Variants in RSL1D1 observed in about 807,000 individuals in gnomAD.
The protein encoded by RSL1D1 is ribosomal L1 domain containing 1, also known as ribosomal L1 domain-containing protein 1.
RSL1D1 carries 34 observed loss-of-function variants against 44.6 expected under a neutral mutation model. The observed-to-expected ratio is 0.76, with a 90% CI of 0.58 to 1.02. RSL1D1 has a LOEUF of 1.02. RSL1D1 is among the 50% of genes least tolerant of loss of function. The pLI is 0.00. For missense variants in RSL1D1, 767 were observed against 568.1 expected (o/e 1.35, Z -3.56); for synonymous variants, 271 against 207.4 (o/e 1.31, Z -2.63).
intron 2 of RSL1D1, among the ~76,000 whole-genome samples, chr16:11,848,536 T>G (rs2053814680): frequency 6.6e-6 from 1 of 152,188 alleles, no homozygotes; most frequent in African/African-American, 2.4e-5. Flanking sequence ...CTTCTTTTCC[T>G]TTTTTTGAGA....
Position 11,851,438 on chromosome 16 carries a change from C to G in RSL1D1, c.75G>C (p.Pro25=). The G allele has an allele frequency of 6.2e-7, 1 of 1,614,116 alleles. No homozygotes were observed. Among genetic ancestry groups the G allele is most frequent in the Non-Finnish European group, 8.5e-7 (1 of 1,179,970 alleles). Residue 25 remains proline (P), a synonymous_variant, in exon 1 of 9, where the codon CCG becomes CCC. Transcript: ENST00000571133. ...TGTSTSTPAA[P]TARKQLDKEQ... is the part of the protein sequence containing the mutation. ...CTTTATCCAGCTGCTTCCGTGCTGT[C>G]GGGGCCGCTGGAGTCGAGGTGGAGG...
In RSL1D1 at chr16:11,847,756, G is replaced by A. The variant is rs11554650; in HGVS notation, c.296C>T (p.Thr99Met). Residue 99 changes from threonine to methionine, a missense_variant, in exon 3 of 9, where the codon ACG becomes ATG. Coordinates refer to ENST00000571133, the MANE Select transcript of RSL1D1 (RefSeq NM_015659.3). ...AGGAGTTGAATTGGGTTCATCCTTC[G>A]TAAATAAACAGATATCTTCTGAATC... The part of the protein sequence containing the change: ...RSDSEDICLF[T>M]KDEPNSTPEK... 19 of 1,612,882 alleles carry A rather than the reference G, an allele frequency of 1.2e-5. No individual in the cohort carries two copies. Among genetic ancestry groups the A allele is most frequent in the Admixed American group, 1.7e-5 (1 of 59,916 alleles).
intron 2 of RSL1D1, among the ~76,000 whole-genome samples, chr16:11,850,068 C>G (rs1197126265): frequency 6.6e-6 from 1 of 152,134 alleles, no homozygotes; most frequent in Non-Finnish European, 1.5e-5. Flanking sequence ...CTCAGGTGAT[C>G]CGTCCACCTC....
At chr16:11,847,479 G>T in intron 3 of RSL1D1, 189 bp downstream of exon 3, 1 of 542,088 alleles carries the variant, frequency 1.8e-6, no homozygotes, top group Non-Finnish European at 3.2e-6. Flanking sequence ...AAGTACAGAG[G>T]AATGACACGA....
intron 7 of RSL1D1, 88 bp from the exon 8 acceptor site, chr16:11,840,073 A>T: frequency 4.6e-6 from 7 of 1,531,734 alleles, no homozygotes; most frequent in South Asian, 3.9e-5. Flanking sequence ...AGTTTTGATT[A>T]TCCATAAGCC....
At position 11,837,203 on chromosome 16, in the gene RSL1D1, T is replaced by C. The variant is rs1210059595; in HGVS notation, c.*584A>G. 4 of 152,744 alleles carry C rather than the reference T, an allele frequency of 2.6e-5. No homozygotes were observed. In the East Asian group the frequency reaches 7.7e-4, roughly 29 times the overall value. 9.5% of individuals were successfully genotyped at this position (152,744 alleles called of 1,614,324 possible). A position where few individuals can be genotyped will look rare whatever the true frequency, so the allele number is the denominator to read the frequency against. On this transcript the variant is annotated 3_prime_UTR_variant, in exon 9 of 9. Transcript: ENST00000571133. ...GTTGCCCAGGCTAGTCTCAAACTCC[T>C]GGCCTCAAGCAATCCTCTCACCTTG... is the stretch of plus-strand genomic sequence containing the variant.
At position 11,837,628 on chromosome 16, in the gene RSL1D1, G is replaced by C. The variant is rs2053731237; in HGVS notation, c.*159C>G. ...GCCTCCCAAAGTGCTGGGATTACAG[G>C]CGTGAGCCACCGCCCCTGGACTACT... On this transcript the variant is annotated 3_prime_UTR_variant, in exon 9 of 9. Transcript: ENST00000571133. 6.1e-6 allele frequency: 4 copies of C among 653,278 alleles called. No homozygotes were observed. Among genetic ancestry groups the C allele is most frequent in the Non-Finnish European group, 1.0e-5 (4 of 381,408 alleles). The allele number at this position is 653,278 out of a possible 1,614,324, so 40.5% of individuals were successfully genotyped here. A position where few individuals can be genotyped will look rare whatever the true frequency, so the allele number is the denominator to read the frequency against.
At position 11,851,061 on chromosome 16, in the gene RSL1D1, C is replaced by T. The variant is rs927498121; in HGVS notation, c.105+347G>A. On this transcript the variant is annotated intron_variant, in intron 1 of 8. Coordinates refer to ENST00000571133, the MANE Select transcript of RSL1D1 (RefSeq NM_015659.3). Reference sequence around the variant, plus strand: ...CATTACCTCTCCCGATCCTGGATAACGGGGAGCCGAAGGGCCCACTTTAAA... The same window carrying T: ...CATTACCTCTCCCGATCCTGGATAATGGGGAGCCGAAGGGCCCACTTTAAA... The T allele has an allele frequency of 1.1e-5, 4 of 373,358 alleles. No individual in the cohort carries two copies. The Admixed American group carries it at 1.2e-4, about 11-fold the overall frequency. The allele number at this position is 373,358 out of a possible 1,614,324, so 23.1% of individuals were successfully genotyped here. A position where few individuals can be genotyped will look rare whatever the true frequency, so the allele number is the denominator to read the frequency against.
chr16:11,850,753 C>A (rs2053831595), intron 1 of RSL1D1, among the ~76,000 whole-genome samples: 1 of 152,240 alleles, frequency 6.6e-6, no homozygotes, highest in African/African-American at 2.4e-5. Context: ...AGGAAAAACG[C>A]AAAGCAAAAT....
chr16:11,851,107 A>G lies in RSL1D1; in HGVS notation c.105+301T>C, dbSNP rs2053834167. 9 of 451,712 alleles carry G rather than the reference A, an allele frequency of 2.0e-5. No individual in the cohort carries two copies. The Admixed American group carries it at 2.8e-4, about 14-fold the overall frequency. The allele number at this position is 451,712 out of a possible 1,614,324, so 28.0% of individuals were successfully genotyped here. On this transcript the variant is annotated intron_variant, in intron 1 of 8. Transcript: ENST00000571133. ...TTAAATAACGGGTAACAGACCTGCA[A>G]AACTAAGCGATTCGGTCAAGCGCTA...
intron 5 of RSL1D1, among the ~76,000 whole-genome samples, chr16:11,842,502 A>G (rs1596439948): frequency 6.6e-6 from 1 of 150,942 alleles, no homozygotes; most frequent in East Asian, 2.0e-4. Context: ...CCTCCGGAGT[A>G]GCTGGGACTA....
At chr16:11,843,457 T>C (rs1037271162) in intron 5 of RSL1D1, among the ~76,000 whole-genome samples, 3 of 152,060 alleles carry the variant, frequency 2.0e-5, no homozygotes, top group African/African-American at 7.2e-5. Flanking sequence ...ACCTTTATCT[T>C]AGACAACCCC....
intron 8 of RSL1D1, among the ~76,000 whole-genome samples, chr16:11,838,496 T>C (rs897309437): frequency 6.6e-6 from 1 of 152,126 alleles, no homozygotes; most frequent in African/African-American, 2.4e-5. Flanking sequence ...GCCAAGTTAC[T>C]GTTTTTATTA....
intron 2 of RSL1D1, 133 bp downstream of exon 2, chr16:11,850,146 T>A: frequency 1.2e-6 from 1 of 852,062 alleles, no homozygotes; most frequent in East Asian, 3.0e-5. Context: ...CTTTTGGACA[T>A]AGTTGTTTTA....
Position 11,839,784 on chromosome 16 carries a change from C to G in RSL1D1, c.1057G>C (p.Ala353Pro). 2 of 1,614,108 alleles carry G rather than the reference C, an allele frequency of 1.2e-6. No homozygotes were observed. Among genetic ancestry groups the G allele is most frequent in the African/African-American group, 1.3e-5 (1 of 75,000 alleles). ...HGKKKRGRGK[A>P]QVKATNESED... ...GATTCATTTGTTGCTTTAACTTGGG[C>G]TTTTCCTCTGCCACGTTTTTTCTTC... Residue 353 changes from alanine to proline, a missense_variant, in exon 8 of 9, where the codon GCC becomes CCC. Physicochemically the swap from Ala to Pro is conservative, Grantham distance 27. Coordinates refer to ENST00000571133, the MANE Select transcript of RSL1D1 (RefSeq NM_015659.3).
chr16:11,848,434 T>C (rs1391723589), intron 2 of RSL1D1, among the ~76,000 whole-genome samples: 2 of 152,220 alleles, frequency 1.3e-5, no homozygotes, highest in Non-Finnish European at 2.9e-5. Flanking sequence ...CGTACTGTAA[T>C]GCGCTATAAA....
rs973847624 is a variant in RSL1D1, at chr16:11,837,654, T to C, written c.*133A>G. On this transcript the variant is annotated 3_prime_UTR_variant, in exon 9 of 9. Coordinates refer to ENST00000571133, the MANE Select transcript of RSL1D1 (RefSeq NM_015659.3). The stretch of plus-strand genomic sequence containing the variant: ...CGTGAGCCACCGCCCCTGGACTACT[T>C]ATGGAGGTTTTAAAAAATCTTTTAA... 1.2e-6 allele frequency: 1 copy of C among 849,512 alleles called. No homozygotes were observed. The highest frequency in any genetic ancestry group is 1.7e-5 in the African/African-American group (1 of 58,774). The allele number at this position is 849,512 out of a possible 1,614,324, so 52.6% of individuals were successfully genotyped here.
intron 3 of RSL1D1, 158 bp downstream of exon 3, chr16:11,847,510 C>G: frequency 1.6e-6 from 1 of 619,650 alleles, no homozygotes; most frequent in Non-Finnish European, 2.8e-6. Context: ...TTATAATTTG[C>G]AAGATATAAA....
intron 8 of RSL1D1, 123 bp downstream of exon 8, chr16:11,839,572 C>T (rs550801489): frequency 2.7e-5 from 35 of 1,300,840 alleles, no homozygotes; most frequent in Non-Finnish European, 3.6e-5. Flanking sequence ...GATATGATAA[C>T]CACCTTCACA....
Sources: allele counts gnomAD v4.1 joint callset (sites outside exome capture counted in the v4.1 genomes callset), GRCh38; gene constraint gnomAD v4.1.1; transcripts MANE v1.5; gene names NCBI Gene and HGNC (gene_info 2026-07-23, HGNC 2026-07-21).